The following MMS22L variants were observed in gnomAD, a reference collection of about 807,000 sequenced individuals.
The protein encoded by MMS22L is protein MMS22-like.
Under a neutral mutation model 159.1 loss-of-function variants are expected in MMS22L, and 74 were observed. That is an observed-to-expected ratio of 0.47 (90% CI 0.39 to 0.56). The LOEUF is 0.56. MMS22L is among the 20% of genes least tolerant of loss of function. The probability of loss-of-function intolerance (pLI) is 0.00; values close to 1 mark genes in which losing one functional copy is unlikely to be tolerated. For missense variants in MMS22L, 1,351 were observed against 1,422.1 expected (o/e 0.95, Z 0.80); for synonymous variants, 517 against 506.9 (o/e 1.02, Z -0.27).
intron 15 of MMS22L, among the ~76,000 whole-genome samples, chr6:97,186,249 T>G (rs1358613470): frequency 6.6e-6 from 1 of 152,164 alleles, no homozygotes; most frequent in African/African-American, 2.4e-5. Context: ...AAATATTACA[T>G]GCATAAGAAA....
chr6:97,199,148 T>C (rs184224027), intron 14 of MMS22L, among the ~76,000 whole-genome samples: 1 of 152,254 alleles, frequency 6.6e-6, no homozygotes, highest in Non-Finnish European at 1.5e-5. Context: ...AGTGGCTATA[T>C]GCTATGTGGG....
intron 24 of MMS22L, among the ~76,000 whole-genome samples, chr6:97,147,320 CTTTTAACT>C (rs963218796): frequency 6.6e-6 from 1 of 152,130 alleles, no homozygotes; most frequent in African/African-American, 2.4e-5. Context: ...CCATTTTCTT[CTTTTAACT>C]TCTTATAAGT....
intron 22 of MMS22L, among the ~76,000 whole-genome samples, chr6:97,159,919 C>T (rs570016292): frequency 9.7e-4 from 140 of 143,688 alleles, no homozygotes; most frequent in African/African-American, 3.6e-3. Flanking sequence ...AATACTCATC[C>T]TATATTAACC....
intron 14 of MMS22L, among the ~76,000 whole-genome samples, chr6:97,206,711 G>A (rs2127923491): frequency 6.6e-6 from 1 of 152,048 alleles, no homozygotes; most frequent in East Asian, 1.9e-4. Context: ...AAAAAGAAAG[G>A]CAGAATACAA....
At chr6:97,267,791 A>C (rs776033523) in intron 8 of MMS22L, 81 bp downstream of exon 8, 10 of 1,242,800 alleles carry the variant, frequency 8.0e-6, no homozygotes, top group Non-Finnish European at 1.0e-5. Flanking sequence ...TTTTAGTTTA[A>C]ATTCTTACAG....
intron 14 of MMS22L, among the ~76,000 whole-genome samples, chr6:97,194,395 T>C (rs150831210): frequency 5.9e-5 from 9 of 152,220 alleles, no homozygotes; most frequent in Admixed American, 1.3e-4. Flanking sequence ...TGCTATCCTA[T>C]GGTGCACCAT....
chr6:97,257,049 G>A (rs948684753), intron 9 of MMS22L, among the ~76,000 whole-genome samples: 6 of 151,918 alleles, frequency 3.9e-5, no homozygotes, highest in African/African-American at 1.5e-4. Context: ...ATGTTATCTG[G>A]GTGTGTTTTT....
intron 13 of MMS22L, among the ~76,000 whole-genome samples, chr6:97,229,701 C>A (rs1309951477): frequency 6.6e-6 from 1 of 152,100 alleles, no homozygotes; most frequent in East Asian, 1.9e-4. Context: ...TCAAGTCCCC[C>A]ATCACCTTTC....
intron 22 of MMS22L, among the ~76,000 whole-genome samples, chr6:97,160,664 A>C (rs907678759): frequency 6.6e-6 from 1 of 152,018 alleles, no homozygotes; most frequent in Non-Finnish European, 1.5e-5. Context: ...AACTTGAAAA[A>C]ATTTTAGAAA....
At chr6:97,204,868 C>A (rs1807588846) in intron 14 of MMS22L, among the ~76,000 whole-genome samples, 1 of 133,708 alleles carries the variant, frequency 7.5e-6, no homozygotes, top group Non-Finnish European at 1.6e-5. Context: ...CCTTAGAGAA[C>A]ATCTAGCCAG....
At position 97,142,964 on chromosome 6, in the gene MMS22L, GTAAAGA is replaced by G. The variant is rs1464374471; in HGVS notation, c.*3836_*3841del. On this transcript the variant is annotated 3_prime_UTR_variant, in exon 25 of 25. Coordinates refer to ENST00000683635, the MANE Select transcript of MMS22L (RefSeq NM_001350599.2). Reference sequence around the variant, plus strand: ...TAAGAAGAAAACATACGAAGGATAGGTAAAGATATACAAGTTTTAAACTATGAAATT... The same window carrying G: ...TAAGAAGAAAACATACGAAGGATAGGTATACAAGTTTTAAACTATGAAATT... 2 of 152,526 alleles carry G rather than the reference GTAAAGA, an allele frequency of 1.3e-5. No individual in the cohort carries two copies. Among genetic ancestry groups the G allele is most frequent in the African/African-American group, 4.8e-5 (2 of 41,432 alleles). 9.4% of individuals were successfully genotyped at this position (152,526 alleles called of 1,614,324 possible). A position where few individuals can be genotyped will look rare whatever the true frequency, so the allele number is the denominator to read the frequency against.
chr6:97,241,053 C>T (rs1032842027), intron 11 of MMS22L, among the ~76,000 whole-genome samples: 2 of 152,216 alleles, frequency 1.3e-5, no homozygotes, highest in Non-Finnish European at 2.9e-5. Context: ...AAAACGAGAA[C>T]ATATGTTGGT....
At chr6:97,246,195 C>A in intron 11 of MMS22L, 1 of 450,476 alleles carries the variant, frequency 2.2e-6, no homozygotes. Context: ...AACGAATGGT[C>A]AGAAACTAGG....
At chr6:97,214,154 A>G (rs1323053060) in intron 14 of MMS22L, among the ~76,000 whole-genome samples, 1 of 152,210 alleles carries the variant, frequency 6.6e-6, no homozygotes, top group Non-Finnish European at 1.5e-5. Flanking sequence ...TCAAAGCCTC[A>G]TTTACACTGC....
intron 14 of MMS22L, among the ~76,000 whole-genome samples, chr6:97,207,204 T>C (rs1807880584): frequency 1.3e-5 from 2 of 152,246 alleles, no homozygotes; most frequent in South Asian, 4.1e-4. Context: ...TTTCCAGAGT[T>C]GTAAGTAAAT....
upstream of MMS22L, chr6:97,283,660 A>G (rs1456217678): frequency 6.6e-6 from 1 of 152,244 alleles, no homozygotes; most frequent in Non-Finnish European, 1.5e-5. Flanking sequence ...ACAGAAAATT[A>G]GTATGGATAT....
chr6:97,183,217 C>A (rs1038254057), intron 15 of MMS22L, among the ~76,000 whole-genome samples: 7 of 152,150 alleles, frequency 4.6e-5, no homozygotes, highest in African/African-American at 4.8e-5. Context: ...ATCCACTGAT[C>A]CTACAACCAT....
chr6:97,249,976 C>T (rs145767030), intron 10 of MMS22L, among the ~76,000 whole-genome samples: 70 of 152,130 alleles, frequency 4.6e-4, no homozygotes, highest in African/African-American at 1.6e-3. Flanking sequence ...AGAATTTCAA[C>T]TATATAAATC....
chr6:97,174,426 G>T (rs895107682), intron 18 of MMS22L, among the ~76,000 whole-genome samples: 1 of 152,038 alleles, frequency 6.6e-6, no homozygotes, highest in Non-Finnish European at 1.5e-5. Flanking sequence ...GTAAGACAAA[G>T]GAAAGAGAAG....
Sources: gnomAD v4.1 joint callset for allele counts (sites outside exome capture counted in the v4.1 genomes callset) on GRCh38, gnomAD v4.1.1 for gene constraint, MANE v1.5 for transcripts, NCBI Gene and HGNC (gene_info 2026-07-23, HGNC 2026-07-21) for gene names.